The following FAM117A variants were observed in gnomAD, a reference collection of about 807,000 sequenced individuals.
FAM117A encodes the protein protein FAM117A.
FAM117A carries 21 observed loss-of-function variants against 44.1 expected under a neutral mutation model. The observed-to-expected ratio is 0.48, with a 90% CI of 0.34 to 0.69. The LOEUF (loss-of-function observed/expected upper bound fraction) is 0.69. FAM117A is among the 30% of genes least tolerant of loss of function. The pLI is 0.01. For synonymous variants in FAM117A, 220 were observed against 238.3 expected, an observed-to-expected ratio of 0.92 and a Z score of 0.71; for missense variants, 498 against 589.9, an observed-to-expected ratio of 0.84 and a Z score of 1.61.
chr17:49,779,447 A>C (rs902125815), intron 1 of FAM117A, among the ~76,000 whole-genome samples: 1 of 152,180 alleles, frequency 6.6e-6, no homozygotes, highest in Non-Finnish European at 1.5e-5. Context: ...GCCCTCAGGC[A>C]AGGGATAGCC....
intron 1 of FAM117A, among the ~76,000 whole-genome samples, chr17:49,746,607 G>GA (rs2073655247): frequency 6.6e-6 from 1 of 152,230 alleles, no homozygotes; most frequent in Non-Finnish European, 1.5e-5. Flanking sequence ...ACTATAGGCA[G>GA]AATTAAGAGC....
At chr17:49,764,227 C>G (rs1281882304), upstream of FAM117A, 3 of 426,644 alleles carry the variant, frequency 7.0e-6, no homozygotes, top group African/African-American at 2.0e-5. Context: ...GAAACCCAGA[C>G]CTTCCACCCC....
intron 4 of FAM117A, 90 bp downstream of exon 4, chr17:49,720,236 G>T: frequency 2.0e-6 from 2 of 1,018,412 alleles, no homozygotes; most frequent in South Asian, 1.4e-5. Flanking sequence ...TAGGGGGCTC[G>T]GCAGTTCCAA....
intron 1 of FAM117A, among the ~76,000 whole-genome samples, chr17:49,756,455 T>C (rs1219230047): frequency 6.6e-6 from 1 of 151,936 alleles, no homozygotes; most frequent in African/African-American, 2.4e-5. Context: ...CTAACAAACA[T>C]GGCTTCCCTG....
intron 1 of FAM117A, among the ~76,000 whole-genome samples, chr17:49,755,116 C>G (rs1300387514): frequency 6.6e-6 from 1 of 151,168 alleles, no homozygotes; most frequent in Non-Finnish European, 1.5e-5. Flanking sequence ...GCAAGGAACA[C>G]AGACTCTGTG....
chr17:49,722,666 C>G (rs986868248), intron 2 of FAM117A, 72 bp from the exon 3 acceptor site: 1 of 1,280,686 alleles, frequency 7.8e-7, no homozygotes, highest in Non-Finnish European at 1.1e-6. Context: ...ACACTGTTTT[C>G]TGGGTAGAGG....
At chr17:49,722,674 A>G in intron 2 of FAM117A, 80 bp from the exon 3 acceptor site, 1 of 1,143,320 alleles carries the variant, frequency 8.7e-7, no homozygotes, top group Non-Finnish European at 1.3e-6. Context: ...TTCTGGGTAG[A>G]GGTGATGGCC....
chr17:49,768,259 T>C (rs2073750961), upstream of FAM117A, among the ~76,000 whole-genome samples: 1 of 152,054 alleles, frequency 6.6e-6, no homozygotes, highest in Admixed American at 6.6e-5. Flanking sequence ...CAAGAGGAAC[T>C]TTCCACTCCT....
chr17:49,776,764 C>T (rs1175159311), intron 1 of FAM117A, among the ~76,000 whole-genome samples: 4 of 152,058 alleles, frequency 2.6e-5, no homozygotes, highest in Admixed American at 6.6e-5. Context: ...GCTAGGGAAC[C>T]GGGATTCCTA....
chr17:49,751,507 G>C (rs984699549), intron 1 of FAM117A, among the ~76,000 whole-genome samples: 1 of 151,970 alleles, frequency 6.6e-6, no homozygotes, highest in Non-Finnish European at 1.5e-5. Context: ...TTGAACCAGG[G>C]AGGCAGAGGT....
chr17:49,766,679 G>T (rs1482275797), upstream of FAM117A, among the ~76,000 whole-genome samples: 1 of 152,222 alleles, frequency 6.6e-6, no homozygotes, highest in African/African-American at 2.4e-5. Context: ...ATGATGAGTG[G>T]TTTTTATTGG....
chr17:49,728,269 T>G (rs1351161571), intron 2 of FAM117A, among the ~76,000 whole-genome samples: 1 of 152,176 alleles, frequency 6.6e-6, no homozygotes, highest in African/African-American at 2.4e-5. Context: ...GTGTCATCAC[T>G]GTTGGGGCAC....
intron 2 of FAM117A, among the ~76,000 whole-genome samples, chr17:49,729,583 T>G (rs2073576000): frequency 6.7e-6 from 1 of 148,640 alleles, no homozygotes; most frequent in Non-Finnish European, 1.5e-5. Flanking sequence ...CTCGGTTTAC[T>G]GCAACCTCTG....
intron 1 of FAM117A, among the ~76,000 whole-genome samples, chr17:49,749,631 G>A (rs2143767216): frequency 6.8e-6 from 1 of 146,152 alleles, no homozygotes. Flanking sequence ...CACAGTGAGA[G>A]TGTTTCTTAG....
At chr17:49,765,956 G>C (rs1234448496), upstream of FAM117A, among the ~76,000 whole-genome samples, 1 of 152,144 alleles carries the variant, frequency 6.6e-6, no homozygotes, top group Non-Finnish European at 1.5e-5. Context: ...TTGATTCCTA[G>C]CTCAGATCTC....
At chr17:49,717,843 T>C in intron 5 of FAM117A, 129 bp from the exon 6 acceptor site, 1 of 702,230 alleles carries the variant, frequency 1.4e-6, no homozygotes, top group Non-Finnish European at 2.3e-6. Context: ...AGAACACCAT[T>C]TCCTCCAGCG....
chr17:49,784,831 T>C (rs1164405506), intron 1 of FAM117A, among the ~76,000 whole-genome samples: 2 of 152,320 alleles, frequency 1.3e-5, no homozygotes, highest in South Asian at 4.1e-4. Flanking sequence ...TACTGGATTC[T>C]AAGCTCCTTT....
chr17:49,721,385 A>G (rs1283404895), intron 3 of FAM117A, among the ~76,000 whole-genome samples: 1 of 152,226 alleles, frequency 6.6e-6, no homozygotes, highest in Non-Finnish European at 1.5e-5. Context: ...AAGATTTATG[A>G]CTAGAGCCAA....
chr17:49,732,057 A>G (rs572702243), intron 2 of FAM117A, among the ~76,000 whole-genome samples: 106 of 152,306 alleles, frequency 7.0e-4, no homozygotes, highest in Middle Eastern at 3.4e-3. Context: ...AAGTGCTGAG[A>G]TTATAGGCGT....
Sources: allele counts gnomAD v4.1 joint callset (sites outside exome capture counted in the v4.1 genomes callset), GRCh38; gene constraint gnomAD v4.1.1; transcripts MANE v1.5; gene names NCBI Gene and HGNC (gene_info 2026-07-23, HGNC 2026-07-21).